The following CDH26 variants were observed in gnomAD, a reference collection of about 807,000 sequenced individuals.
The protein encoded by CDH26 is cadherin-like protein 26.
In CDH26, 83 loss-of-function variants were observed where a neutral mutation model predicts 90.3. The observed-to-expected ratio is 0.92, with a 90% CI of 0.77 to 1.10. The LOEUF is 1.10. Ranked by LOEUF, CDH26 falls within the 50% of genes least tolerant of loss-of-function variation. CDH26 has a pLI of 0.00. For synonymous variants in CDH26, 397 were observed against 396.3 expected, an observed-to-expected ratio of 1.00 and a Z score of -0.02; for missense variants, 1,013 against 1,037.6, an observed-to-expected ratio of 0.98 and a Z score of 0.33.
chr20:59,994,467 A>T lies in CDH26; in HGVS notation c.1644A>T (p.Thr548=). The T allele has an allele frequency of 3.1e-6, 5 of 1,614,124 alleles. No homozygotes were observed. The highest frequency in any genetic ancestry group is 4.2e-6 in the Non-Finnish European group (5 of 1,179,984). ...LDNTWGNAED[T]WKLGRNWGQS... Reference sequence around the variant, plus strand: ...ATACCTGGGGAAATGCGGAGGACACATGGAAGTTGGGGAGAAATTGGGGTG... The same window carrying T: ...ATACCTGGGGAAATGCGGAGGACACTTGGAAGTTGGGGAGAAATTGGGGTG... The change falls in exon 11 of 18, where the codon ACA becomes ACT. Residue 548 remains threonine (T), a synonymous_variant. Coordinates refer to ENST00000348616, the MANE Select transcript of CDH26 (RefSeq NM_177980.4).
Position 59,987,588 on chromosome 20 carries a change from G to C in CDH26, c.973G>C (p.Asp325His), listed in dbSNP as rs371499658. Residue 325 changes from aspartate to histidine, a missense_variant, in exon 8 of 18, where the codon GAC becomes CAC. Transcript: ENST00000348616. ...GCATGGCAATGAAGAGGGGCATTTT[G>C]ACATTTCGACTGACCCTGAGACCAA... Reference protein sequence around the residue: ...ILHGNEEGHFDISTDPETNEG... With the variant: ...ILHGNEEGHFHISTDPETNEG... 2 of 1,613,732 alleles carry C rather than the reference G, an allele frequency of 1.2e-6. No homozygotes were observed. Among genetic ancestry groups the C allele is most frequent in the African/African-American group, 2.7e-5 (2 of 74,892 alleles).
chr20:60,017,826 A>G (rs558088897), downstream of CDH26, among the ~76,000 whole-genome samples: 3 of 152,188 alleles, frequency 2.0e-5, no homozygotes, highest in Admixed American at 2.0e-4. Flanking sequence ...ATTTGCCTCA[A>G]GGAATTTTAA....
At chr20:60,020,001 G>A (rs1406384639) in intron 7 of CDH26, among the ~76,000 whole-genome samples, 2 of 152,170 alleles carry the variant, frequency 1.3e-5, no homozygotes, top group African/African-American at 4.8e-5. Context: ...CAGTGGCCTG[G>A]GCTGAGAGAG....
chr20:60,027,330 C>T (rs2062005742), intron 7 of CDH26, among the ~76,000 whole-genome samples: 1 of 152,100 alleles, frequency 6.6e-6, no homozygotes, highest in Admixed American at 6.5e-5. Context: ...AAGAATTGTA[C>T]AATGAAGTCA....
At chr20:60,011,843 C>T (rs898756581) in intron 17 of CDH26, among the ~76,000 whole-genome samples, 4 of 151,970 alleles carry the variant, frequency 2.6e-5, no homozygotes, top group African/African-American at 9.7e-5. Flanking sequence ...TGTGGATGTC[C>T]TTGTGGAGCT....
chr20:59,989,425 G>A (rs1342935452), intron 9 of CDH26, among the ~76,000 whole-genome samples: 1 of 151,640 alleles, frequency 6.6e-6, no homozygotes, highest in Non-Finnish European at 1.5e-5. Flanking sequence ...CTACTCGGGA[G>A]GCTGAGGCAG....
chr20:60,032,670 A>C (rs894065815), intron 8 of CDH26, among the ~76,000 whole-genome samples: 36 of 152,214 alleles, frequency 2.4e-4, no homozygotes, highest in African/African-American at 8.4e-4. Context: ...ATTCAGCCAT[A>C]AAAAAGGGTG....
At position 59,988,930 on chromosome 20, in the gene CDH26, G is replaced by A. The variant is rs373864822; in HGVS notation, c.1050G>A (p.Ala350=). The change falls in exon 9 of 18, where the codon GCG becomes GCA. Residue 350 remains alanine, a synonymous_variant. Coordinates refer to ENST00000348616, the MANE Select transcript of CDH26 (RefSeq NM_177980.4). The part of the protein sequence containing the change: ...IKPLDYETRP[A]QSLIIVVENE... ...CTTTGGATTATGAGACTCGCCCAGCGCAAAGCCTCATCATTGTCGTGGAGA... is the reference window on the plus strand; with the variant it reads ...CTTTGGATTATGAGACTCGCCCAGCACAAAGCCTCATCATTGTCGTGGAGA... The A allele has an allele frequency of 1.9e-6, 3 of 1,614,138 alleles. No individual in the cohort carries two copies. The highest frequency in any genetic ancestry group is 2.5e-6 in the Non-Finnish European group (3 of 1,180,036).
chr20:59,987,353 C>G (rs2061471709), intron 7 of CDH26, 100 bp from the exon 8 acceptor site: 2 of 962,100 alleles, frequency 2.1e-6, no homozygotes, highest in Non-Finnish European at 3.0e-6. Context: ...CTCCTTCTCT[C>G]TCTTGCTCTC....
intron 11 of CDH26, 37 bp downstream of exon 11, chr20:59,994,526 A>G (rs751222576): frequency 6.2e-7 from 1 of 1,606,616 alleles, no homozygotes; most frequent in African/African-American, 1.3e-5. Context: ...AAGAGTGGAA[A>G]ATGCCAGATA....
At chr20:59,966,231 T>TAAAA (rs60088029) in intron 1 of CDH26, among the ~76,000 whole-genome samples, 24 of 76,264 alleles carry the variant, frequency 3.1e-4, no homozygotes, top group South Asian at 8.8e-4. Context: ...GGTGTTGCAT[T>TAAAA]AAAAAAAAAA....
intron 1 of CDH26, among the ~76,000 whole-genome samples, chr20:59,962,892 G>A (rs890376647): frequency 2.0e-5 from 3 of 152,122 alleles, no homozygotes; most frequent in Admixed American, 6.5e-5. Context: ...TGGTTAGAGA[G>A]CCCCCAGGAT....
At chr20:59,985,178 C>T in intron 7 of CDH26, 49 bp downstream of exon 7, 1 of 1,606,886 alleles carries the variant, frequency 6.2e-7, no homozygotes, top group Non-Finnish European at 8.5e-7. Flanking sequence ...ACAAGTAGCC[C>T]TTGGGTCCTA....
At chr20:60,029,843 C>T (rs1010621712) in intron 7 of CDH26, among the ~76,000 whole-genome samples, 1 of 152,050 alleles carries the variant, frequency 6.6e-6, no homozygotes, top group African/African-American at 2.4e-5. Context: ...GCATAGTATT[C>T]CACGGTGTAT....
intron 7 of CDH26, 25 bp downstream of exon 7, chr20:59,985,154 G>T (rs377341749): frequency 3.1e-6 from 5 of 1,611,412 alleles, no homozygotes; most frequent in Non-Finnish European, 4.2e-6. Context: ...CCGCCCCAAC[G>T]TCTAAGCCCC....
At chr20:60,004,496 G>A (rs1032266871) in intron 16 of CDH26, among the ~76,000 whole-genome samples, 1 of 152,074 alleles carries the variant, frequency 6.6e-6, no homozygotes, top group African/African-American at 2.4e-5. Context: ...CCAGGGCGCC[G>A]TGGCTCACGT....
chr20:60,022,442 G>T (rs371680319), intron 7 of CDH26, among the ~76,000 whole-genome samples: 6 of 152,266 alleles, frequency 3.9e-5, no homozygotes, highest in African/African-American at 1.4e-4. Context: ...GTTTTGTGGA[G>T]CTTTTCATCT....
chr20:59,986,509 G>A (rs755848887), intron 7 of CDH26, among the ~76,000 whole-genome samples: 9 of 151,980 alleles, frequency 5.9e-5, no homozygotes, highest in Non-Finnish European at 1.0e-4. Context: ...TGACTACTGA[G>A]TTAAAACCCT....
At chr20:60,017,333 T>A (rs563995713), downstream of CDH26, among the ~76,000 whole-genome samples, 3 of 152,098 alleles carry the variant, frequency 2.0e-5, no homozygotes, top group Non-Finnish European at 4.4e-5. Flanking sequence ...TTTGGATCAA[T>A]CTTAGTAGGT....
Sources: gnomAD v4.1 joint callset for allele counts (sites outside exome capture counted in the v4.1 genomes callset) on GRCh38, gnomAD v4.1.1 for gene constraint, MANE v1.5 for transcripts, NCBI Gene and HGNC (gene_info 2026-07-23, HGNC 2026-07-21) for gene names.